The following WWOX variants were observed in gnomAD, a reference collection of about 807,000 sequenced individuals.
The protein encoded by WWOX is WW domain containing oxidoreductase.
In WWOX, 69 loss-of-function variants were observed where a neutral mutation model predicts 46.2. That is an observed-to-expected ratio of 1.49 (90% confidence interval 1.23 to 1.82). The LOEUF is 1.82. Among genes scored for constraint, WWOX ranks in the 40% most tolerant of loss-of-function variants. The pLI is 0.00. For missense variants in WWOX, 919 were observed against 542.6 expected, an observed-to-expected ratio of 1.69 and a Z score of -6.89; for synonymous variants, 359 against 202.6, an observed-to-expected ratio of 1.77 and a Z score of -6.56.
At chr16:78,844,339 A>C (rs1441011550) in intron 8 of WWOX, among the ~76,000 whole-genome samples, 1 of 152,196 alleles carries the variant, frequency 6.6e-6, no homozygotes, top group Non-Finnish European at 1.5e-5. Context: ...TGGAGAAATA[A>C]ATACATCCTC....
At chr16:78,432,427 A>G in intron 7 of WWOX, 61 bp from the exon 8 acceptor site, 2 of 1,600,050 alleles carry the variant, frequency 1.2e-6, no homozygotes, top group Non-Finnish European at 1.7e-6. Flanking sequence ...TCCAATAAAA[A>G]TAAAAAGCTG....
At chr16:79,141,639 A>G (rs561348425) in intron 8 of WWOX, among the ~76,000 whole-genome samples, 47 of 152,360 alleles carry the variant, frequency 3.1e-4, no homozygotes, top group African/African-American at 8.4e-4. Flanking sequence ...GTGAAAACAC[A>G]TGACAGTTTC....
chr16:78,927,976 T>TTG (rs1555570375), intron 8 of WWOX, among the ~76,000 whole-genome samples: 23 of 151,818 alleles, frequency 1.5e-4, no homozygotes, highest in East Asian at 7.7e-4. Flanking sequence ...CTCAGGGTTT[T>TTG]TGTGTGTGTG....
chr16:79,072,718 G>A (rs146997929), intron 8 of WWOX, among the ~76,000 whole-genome samples: 4 of 152,264 alleles, frequency 2.6e-5, no homozygotes, highest in African/African-American at 9.6e-5. Context: ...GGCCACAACA[G>A]CCTCTTCTTT....
chr16:78,312,606 C>A (rs1452931975), intron 5 of WWOX, among the ~76,000 whole-genome samples: 1 of 152,140 alleles, frequency 6.6e-6, no homozygotes, highest in Non-Finnish European at 1.5e-5. Context: ...AACTCCTGAC[C>A]TGAGGTGATC....
rs569315388 is a variant in WWOX at position 79,163,907 on chromosome 16, C to G, written c.1057-47701C>G. Among the ~76,000 whole-genome samples the G allele has an allele frequency of 1.5e-4, 19 of 128,692 alleles. No individual in the cohort carries two copies. In the East Asian group the frequency reaches 3.1e-3, roughly 21 times the overall value. 84.4% of individuals were successfully genotyped at this position (128,692 alleles called of 152,430 possible). ...TGGAAAAAAAAAAAAAGGAACTGATCTGGCTGTATCTGTCGAGTTGCTTCT... is the reference window on the plus strand; with the variant it reads ...TGGAAAAAAAAAAAAAGGAACTGATGTGGCTGTATCTGTCGAGTTGCTTCT... On this transcript the variant is annotated intron_variant, in intron 8 of 8. Coordinates refer to ENST00000566780, the MANE Select transcript of WWOX (RefSeq NM_016373.4).
chr16:78,628,992 A>C (rs2046369974), intron 8 of WWOX, among the ~76,000 whole-genome samples: 1 of 152,170 alleles, frequency 6.6e-6, no homozygotes, highest in Admixed American at 6.5e-5. Context: ...CAGGTCTTTT[A>C]TATAAGTATT....
chr16:78,456,017 A>G (rs909709782), intron 8 of WWOX, among the ~76,000 whole-genome samples: 2 of 152,178 alleles, frequency 1.3e-5, no homozygotes, highest in East Asian at 1.9e-4. Context: ...TCTCATGCTG[A>G]TTCTACTTTT....
chr16:78,895,084 G>T (rs887714173), intron 8 of WWOX, among the ~76,000 whole-genome samples: 1 of 152,148 alleles, frequency 6.6e-6, no homozygotes, highest in African/African-American at 2.4e-5. Context: ...AATGGTTTCT[G>T]CCTTCAATGT....
chr16:78,564,068 T>G lies in WWOX; in HGVS notation c.1056+131316T>G, dbSNP rs575431765. On this transcript the variant is annotated intron_variant, in intron 8 of 8. Transcript: ENST00000566780. ...GCGATGAGAGACACAAGACCATGTT[T>G]CCATATTGCCCCAGCCAAGAGCCAA... Among the ~76,000 whole-genome samples the G allele has an allele frequency of 2.1e-4, 32 of 152,300 alleles. No homozygotes were observed. The South Asian group carries it at 6.6e-3, about 32-fold the overall frequency.
At chr16:78,369,112 G>T (rs1475715550) in intron 5 of WWOX, among the ~76,000 whole-genome samples, 1 of 150,342 alleles carries the variant, frequency 6.7e-6, no homozygotes, top group Non-Finnish European at 1.5e-5. Flanking sequence ...TTGAACTTGT[G>T]ATGTACACAT....
At chr16:79,206,006 G>C (rs188432083) in intron 8 of WWOX, 1 of 152,304 alleles carries the variant, frequency 6.6e-6, no homozygotes, top group East Asian at 1.9e-4. Flanking sequence ...ATGGCATTTT[G>C]AATCGGACGA....
chr16:78,819,251 A>G (rs1046361585), intron 8 of WWOX, among the ~76,000 whole-genome samples: 3 of 152,170 alleles, frequency 2.0e-5, no homozygotes, highest in Non-Finnish European at 4.4e-5. Context: ...CCAGTGAGGC[A>G]GCAGGTGGGA....
intron 8 of WWOX, among the ~76,000 whole-genome samples, chr16:78,712,720 G>A (rs1022830238): frequency 1.3e-5 from 2 of 152,038 alleles, no homozygotes; most frequent in Non-Finnish European, 2.9e-5. Context: ...TTGAGTTTAT[G>A]TTAGAGATGC....
At chr16:78,205,261 GA>G (rs1361657667) in intron 5 of WWOX, among the ~76,000 whole-genome samples, 1 of 152,090 alleles carries the variant, frequency 6.6e-6, no homozygotes, top group African/African-American at 2.4e-5. Flanking sequence ...TATTACTGTT[GA>G]AAAGAGATGG....
intron 7 of WWOX, among the ~76,000 whole-genome samples, chr16:78,429,022 A>T (rs2083154026): frequency 6.6e-6 from 1 of 152,184 alleles, no homozygotes; most frequent in African/African-American, 2.4e-5. Context: ...TTTATTAAGG[A>T]CTTGGTCCTT....
chr16:78,380,047 G>C (rs544133691), intron 5 of WWOX, among the ~76,000 whole-genome samples: 1 of 152,294 alleles, frequency 6.6e-6, no homozygotes, highest in Admixed American at 6.5e-5. Context: ...TTGGGACATG[G>C]TGTATTGAAG....
At chr16:78,451,330 A>G (rs536951752) in intron 8 of WWOX, among the ~76,000 whole-genome samples, 1 of 152,358 alleles carries the variant, frequency 6.6e-6, no homozygotes, top group South Asian at 2.1e-4. Context: ...GCAGAACTAG[A>G]AGATAAAGAT....
intron 6 of WWOX, among the ~76,000 whole-genome samples, chr16:78,408,982 G>C (rs75732973): frequency 2.0e-5 from 3 of 152,116 alleles, no homozygotes; most frequent in Non-Finnish European, 4.4e-5. Flanking sequence ...CTTGGAGATG[G>C]GCTGTAGCTC....
Sources: allele counts gnomAD v4.1 joint callset (sites outside exome capture counted in the v4.1 genomes callset), GRCh38; gene constraint gnomAD v4.1.1; transcripts MANE v1.5; gene names NCBI Gene and HGNC (gene_info 2026-07-23, HGNC 2026-07-21).